CCDC102B: variants seen among roughly 807,000 people sequenced by gnomAD.
The protein encoded by CCDC102B is coiled-coil domain containing 102B.
In CCDC102B, 75 loss-of-function variants were observed where a neutral mutation model predicts 57.4. The ratio of observed to expected loss-of-function variants is 1.31; its 90% CI spans 1.08 to 1.58. The LOEUF is 1.58. Ranked by LOEUF, CCDC102B falls within the 40% of genes most tolerant of loss-of-function variation. The pLI is 0.00. For missense variants in CCDC102B, 636 were observed against 582.6 expected, an observed-to-expected ratio of 1.09 and a Z score of -0.94; for synonymous variants, 206 against 201.9, an observed-to-expected ratio of 1.02 and a Z score of -0.17.
chr18:68,957,746 A>G (rs1294438407), intron 6 of CCDC102B, among the ~76,000 whole-genome samples: 1 of 152,132 alleles, frequency 6.6e-6, no homozygotes, highest in Non-Finnish European at 1.5e-5. Flanking sequence ...TCAATCCTTG[A>G]ACATGAAATA....
rs1201787142 is a variant in CCDC102B at position 68,857,094 on chromosome 18, ATTT to A, written c.936+10676_936+10678del. Among the ~76,000 whole-genome samples the A allele has an allele frequency of 1.6e-4, 18 of 109,170 alleles. 1 individual carries two copies. Among genetic ancestry groups the A allele is most frequent in the African/African-American group, 3.3e-4 (9 of 27,462 alleles). 71.6% of individuals were successfully genotyped at this position (109,170 alleles called of 152,430 possible). ...ATATTATATATAAATATATTTATAT[ATTT>A]TTATATATTATATATAAATATATTT... On this transcript the variant is annotated intron_variant, in intron 4 of 7. Coordinates refer to ENST00000360242, the MANE Select transcript of CCDC102B (RefSeq NM_024781.3).
intron 4 of CCDC102B, among the ~76,000 whole-genome samples, chr18:68,872,691 C>T (rs1409468702): frequency 6.6e-6 from 1 of 151,932 alleles, no homozygotes; most frequent in East Asian, 1.9e-4. Context: ...CTCCATGTGG[C>T]CTCCCTTTTC....
chr18:68,880,262 GC>G, intron 5 of CCDC102B, among the ~76,000 whole-genome samples: 1 of 152,242 alleles, frequency 6.6e-6, no homozygotes, highest in Non-Finnish European at 1.5e-5. Flanking sequence ...ATTGCCCGGG[GC>G]CGGCAGGGCT....
chr18:68,894,133 T>C (rs1293828626), intron 5 of CCDC102B, among the ~76,000 whole-genome samples: 1 of 152,072 alleles, frequency 6.6e-6, no homozygotes, highest in Non-Finnish European at 1.5e-5. Flanking sequence ...AGATGCCCAA[T>C]GTTACTCATA....
intron 6 of CCDC102B, among the ~76,000 whole-genome samples, chr18:68,968,147 T>C (rs1421311575): frequency 1.3e-5 from 2 of 152,196 alleles, no homozygotes; most frequent in Admixed American, 6.5e-5. Context: ...AATTTTGTCC[T>C]GTAAACATCA....
intron 6 of CCDC102B, among the ~76,000 whole-genome samples, chr18:69,001,060 A>C (rs1221955444): frequency 6.6e-6 from 1 of 152,172 alleles, no homozygotes; most frequent in Non-Finnish European, 1.5e-5. Context: ...AATGCACTGC[A>C]GTTCAGGCCC....
chr18:68,889,435 T>C (rs535189958), intron 5 of CCDC102B, among the ~76,000 whole-genome samples: 2 of 152,290 alleles, frequency 1.3e-5, no homozygotes, highest in Admixed American at 1.3e-4. Context: ...TTGTTTTATT[T>C]TGAGATGGAG....
At chr18:69,051,779 A>G (rs1319288713) in intron 7 of CCDC102B, among the ~76,000 whole-genome samples, 3 of 152,058 alleles carry the variant, frequency 2.0e-5, no homozygotes, top group Non-Finnish European at 1.5e-5. Context: ...AGATCAATTG[A>G]TAAAAGTCTA....
upstream of CCDC102B, among the ~76,000 whole-genome samples, chr18:68,794,334 A>G (rs990066615): frequency 1.3e-5 from 2 of 152,176 alleles, no homozygotes; most frequent in African/African-American, 2.4e-5. Flanking sequence ...TTAGAAATAC[A>G]AAAGTTTTCT....
chr18:68,898,959 C>T (rs556070865), intron 6 of CCDC102B, among the ~76,000 whole-genome samples: 13 of 152,072 alleles, frequency 8.5e-5, no homozygotes, highest in East Asian at 5.8e-4. Context: ...CAGGGCACAC[C>T]GAGTCCAGAC....
intron 2 of CCDC102B, among the ~76,000 whole-genome samples, chr18:68,771,044 A>C (rs1712022756): frequency 6.6e-6 from 1 of 152,258 alleles, no homozygotes; most frequent in South Asian, 2.1e-4. Context: ...ATGCTGATAG[A>C]GTAAGGAGAC....
chr18:69,042,962 A>AC (rs1416683910), intron 7 of CCDC102B, among the ~76,000 whole-genome samples: 1 of 151,992 alleles, frequency 6.6e-6, no homozygotes, highest in African/African-American at 2.4e-5. Flanking sequence ...AAATAAGTGG[A>AC]CCCGGGGAAC....
chr18:69,018,340 G>A (rs1404782314), intron 7 of CCDC102B, among the ~76,000 whole-genome samples: 1 of 151,968 alleles, frequency 6.6e-6, no homozygotes, highest in Non-Finnish European at 1.5e-5. Context: ...AAATTTTTTG[G>A]GGAACCCTCA....
At chr18:68,853,572 T>C (rs9966888) in intron 4 of CCDC102B, among the ~76,000 whole-genome samples, 1 of 151,372 alleles carries the variant, frequency 6.6e-6, no homozygotes, top group Non-Finnish European at 1.5e-5. Context: ...ATGTTTTCTG[T>C]GATTTTTTAA....
chr18:68,796,154 A>G (rs2035621607), upstream of CCDC102B, among the ~76,000 whole-genome samples: 1 of 152,174 alleles, frequency 6.6e-6, no homozygotes, highest in African/African-American at 2.4e-5. Flanking sequence ...AAGAAAGACA[A>G]TTTAAGAGAC....
At chr18:68,763,855 G>C (rs2034337286) in intron 2 of CCDC102B, among the ~76,000 whole-genome samples, 2 of 151,878 alleles carry the variant, frequency 1.3e-5, no homozygotes, top group South Asian at 4.2e-4. Flanking sequence ...TATAATAATA[G>C]AGTAACTGTG....
At chr18:68,901,384 C>T (rs1169203317) in intron 6 of CCDC102B, among the ~76,000 whole-genome samples, 2 of 152,102 alleles carry the variant, frequency 1.3e-5, no homozygotes, top group African/African-American at 4.8e-5. Context: ...ATGGGTGGCA[C>T]ACAAACAGGT....
At chr18:68,968,342 T>G (rs906314556) in intron 6 of CCDC102B, among the ~76,000 whole-genome samples, 2 of 152,180 alleles carry the variant, frequency 1.3e-5, no homozygotes, top group Admixed American at 1.3e-4. Flanking sequence ...TGAAATCCCC[T>G]TATAGTTCAA....
chr18:68,866,808 G>A, intron 4 of CCDC102B: 1 of 695,478 alleles, frequency 1.4e-6, no homozygotes, highest in South Asian at 1.4e-5. Flanking sequence ...GGAACTTTGA[G>A]TCTTATTTGA....
Sources: gnomAD v4.1 joint callset for allele counts (sites outside exome capture counted in the v4.1 genomes callset) on GRCh38, gnomAD v4.1.1 for gene constraint, MANE v1.5 for transcripts, NCBI Gene and HGNC (gene_info 2026-07-23, HGNC 2026-07-21) for gene names.